Variants in TOPBP1 observed in about 807,000 individuals in gnomAD.
TOPBP1 encodes the protein DNA topoisomerase II binding protein 1.
TOPBP1 carries 28 observed loss-of-function variants against 167.7 expected under a neutral mutation model. The ratio of observed to expected loss-of-function variants is 0.17; its 90% confidence interval spans 0.12 to 0.23. The LOEUF (loss-of-function observed/expected upper bound fraction) is 0.23. TOPBP1 is among the 10% of genes least tolerant of loss of function. TOPBP1 has a pLI of 1.00. For synonymous variants in TOPBP1, 598 were observed against 611.4 expected, an observed-to-expected ratio of 0.98 and a Z score of 0.32; for missense variants, 1,554 against 1,809.6, an observed-to-expected ratio of 0.86 and a Z score of 2.56.
Position 133,644,035 on chromosome 3 carries a change from A to G in TOPBP1, c.1833T>C (p.Val611=). 6.2e-7 allele frequency: 1 copy of G among 1,600,446 alleles called. No homozygotes were observed. Among genetic ancestry groups the G allele is most frequent in the Non-Finnish European group, 8.5e-7 (1 of 1,174,218 alleles). ...GTTGTCTTACCAGCCATGTATTTGTAACAACTTCTCCCACAGTGGCTTCCA... is the reference window on the plus strand; with the variant it reads ...GTTGTCTTACCAGCCATGTATTTGTGACAACTTCTCCCACAGTGGCTTCCA... The part of the protein sequence containing the change: ...CEVEATVGEV[V]TNTWLVTCID... The change falls in exon 11 of 28, where the codon GTT becomes GTC. Residue 611 remains valine, a synonymous_variant. Coordinates refer to ENST00000260810, the MANE Select transcript of TOPBP1 (RefSeq NM_007027.4).
rs200397840 is a variant in TOPBP1, at chr3:133,649,943, T to A, written c.1090A>T (p.Ile364Leu). The A allele has an allele frequency of 1.7e-4, 263 of 1,569,634 alleles. No individual in the cohort carries two copies. The highest frequency in any genetic ancestry group is 1.0e-3 in the Middle Eastern group (6 of 5,882). Residue 364 changes from isoleucine (I) to leucine (L), a missense_variant and splice_region_variant, in exon 9 of 28, where the codon ATA (isoleucine) becomes TTA (leucine). Around this residue, in one of 3 missense-constraint regions of TOPBP1, gnomAD observed 1,197 missense variants for 1,351.5 expected, o/e 0.89. Transcript: ENST00000260810. ...CTGCCACTAAAACCGCAAAGATATATCTGCAAGAAAGAAAATATTTAATAT... is the reference window on the plus strand; with the variant it reads ...CTGCCACTAAAACCGCAAAGATATAACTGCAAGAAAGAAAATATTTAATAT... Reference protein sequence around the residue: ...APEDLLDGCRIYLCGFSGRKL... With the variant: ...APEDLLDGCRLYLCGFSGRKL...
At chr3:133,655,681 T>A (rs1487162099) in intron 5 of TOPBP1, among the ~76,000 whole-genome samples, 195 bp from the exon 6 acceptor site, 1 of 152,172 alleles carries the variant, frequency 6.6e-6, no homozygotes, top group Non-Finnish European at 1.5e-5. Flanking sequence ...AAAGTAATTG[T>A]TTCAGATACA....
chr3:133,615,502 A>T (rs368188645), intron 23 of TOPBP1, among the ~76,000 whole-genome samples: 14 of 151,938 alleles, frequency 9.2e-5, no homozygotes, highest in African/African-American at 3.4e-4. Flanking sequence ...AAACCCCACC[A>T]ATATTTCTTA....
chr3:133,612,652 G>A, intron 23 of TOPBP1, 100 bp from the exon 24 acceptor site: 1 of 1,177,550 alleles, frequency 8.5e-7, no homozygotes, highest in East Asian at 2.7e-5. Flanking sequence ...TAAATAAAAT[G>A]CCCCAAACCA....
At chr3:133,658,909 C>G (rs1325316995) in intron 3 of TOPBP1, 107 bp downstream of exon 3, 3 of 1,225,386 alleles carry the variant, frequency 2.4e-6, no homozygotes, top group Non-Finnish European at 3.3e-6. Flanking sequence ...TTCCAATGTA[C>G]TCATAAGTTG....
rs1934279763 is a variant in TOPBP1 at position 133,601,170 on chromosome 3, T to C, written c.*80A>G. ...CTTCAGGTACTCATCTTTAAATTACTACCCAAATCTATCACAGTCACATTC... is the reference window on the plus strand; with the variant it reads ...CTTCAGGTACTCATCTTTAAATTACCACCCAAATCTATCACAGTCACATTC... On this transcript the variant is annotated 3_prime_UTR_variant, in exon 28 of 28. Coordinates refer to ENST00000260810, the MANE Select transcript of TOPBP1 (RefSeq NM_007027.4). 5 of 1,284,842 alleles carry C rather than the reference T, an allele frequency of 3.9e-6. No individual in the cohort carries two copies. The Admixed American group carries it at 1.4e-4, about 35-fold the overall frequency. The allele number at this position is 1,284,842 out of a possible 1,614,324, so 79.6% of individuals were successfully genotyped here.
intron 27 of TOPBP1, among the ~76,000 whole-genome samples, chr3:133,606,640 G>A (rs1057022528): frequency 1.3e-5 from 2 of 151,820 alleles, no homozygotes; most frequent in Admixed American, 6.6e-5. Context: ...TTGCTGTACA[G>A]CTACAGTAAT....
chr3:133,643,526 CATA>C (rs1254294907), intron 11 of TOPBP1, among the ~76,000 whole-genome samples, 154 bp from the exon 12 acceptor site: 1 of 152,108 alleles, frequency 6.6e-6, no homozygotes, highest in Admixed American at 6.6e-5. Flanking sequence ...CATTTCATAT[CATA>C]ATGTTAGAGT....
intron 12 of TOPBP1, 37 bp downstream of exon 12, chr3:133,643,163 A>C (rs1410960880): frequency 6.8e-7 from 1 of 1,477,072 alleles, no homozygotes; most frequent in African/African-American, 1.4e-5. Flanking sequence ...ATAAAAAGAT[A>C]CACCAATACA....
intron 6 of TOPBP1, among the ~76,000 whole-genome samples, chr3:133,655,050 TAA>T (rs141293826): frequency 0.14 from 21,500 of 151,874 alleles, 1,849 homozygotes; most frequent in Non-Finnish European, 0.2. Flanking sequence ...CTACTAAAAA[TAA>T]AAAGTTATTC....
At chr3:133,661,193 G>T in intron 1 of TOPBP1, 59 bp from the exon 2 acceptor site, 1 of 1,295,380 alleles carries the variant, frequency 7.7e-7, no homozygotes, top group African/African-American at 1.5e-5. Flanking sequence ...AAAGTTGCAT[G>T]TTTAACCTAC....
intron 3 of TOPBP1, 80 bp downstream of exon 3, chr3:133,658,936 C>G: frequency 1.4e-6 from 2 of 1,432,144 alleles, no homozygotes; most frequent in African/African-American, 1.4e-5. Context: ...ACTTTATAAT[C>G]CGCAAAGAAT....
chr3:133,617,350 T>C, intron 21 of TOPBP1, 24 bp from the exon 22 acceptor site: 1 of 1,570,290 alleles, frequency 6.4e-7, no homozygotes, highest in Non-Finnish European at 8.6e-7. Context: ...AATGCTGCAG[T>C]GTGACAGGAT....
intron 25 of TOPBP1, among the ~76,000 whole-genome samples, chr3:133,609,567 C>G (rs575154737): frequency 6.6e-6 from 1 of 152,186 alleles, no homozygotes; most frequent in African/African-American, 2.4e-5. Context: ...GGAGGGACCT[C>G]GTGGGAGGTG....
At position 133,617,135 on chromosome 3, in the gene TOPBP1, A is replaced by T. The variant is rs1179370758; in HGVS notation, c.3759+25T>A. 4 of 1,580,958 alleles carry T rather than the reference A, an allele frequency of 2.5e-6. No homozygotes were observed. The South Asian group carries it at 4.7e-5, about 18-fold the overall frequency. ...CCTAACAGCAGTATGCAAAAGCTGT[A>T]TCACCATATTAAGGATCAACAAACC... On this transcript the variant is annotated intron_variant, in intron 22 of 27. Coordinates refer to ENST00000260810, the MANE Select transcript of TOPBP1 (RefSeq NM_007027.4).
intron 23 of TOPBP1, among the ~76,000 whole-genome samples, chr3:133,614,956 C>T (rs922265665): frequency 1.3e-5 from 2 of 150,586 alleles, no homozygotes; most frequent in African/African-American, 4.9e-5. Flanking sequence ...TGCACATGTA[C>T]CTTAGAACTT....
chr3:133,660,995 TAAAAA>T (rs1454304729), intron 2 of TOPBP1, 44 bp downstream of exon 2: 1 of 1,423,056 alleles, frequency 7.0e-7, no homozygotes, highest in South Asian at 1.4e-5. Context: ...CAAAAACACT[TAAAAA>T]CAAGAAAATG....
At chr3:133,613,151 A>G (rs1366973614) in intron 23 of TOPBP1, among the ~76,000 whole-genome samples, 1 of 152,166 alleles carries the variant, frequency 6.6e-6, no homozygotes, top group Admixed American at 6.5e-5. Context: ...GTGAGCCACC[A>G]TGCCTGGTCC....
At chr3:133,635,538 G>T (rs1222049867) in intron 14 of TOPBP1, among the ~76,000 whole-genome samples, 1 of 152,192 alleles carries the variant, frequency 6.6e-6, no homozygotes, top group Admixed American at 6.5e-5. Flanking sequence ...TTACAGGTGT[G>T]AGCCACCACG....
Sources: allele counts gnomAD v4.1 joint callset (sites outside exome capture counted in the v4.1 genomes callset), GRCh38; gene constraint gnomAD v4.1.1; regional missense constraint gnomAD v4.1.1; transcripts MANE v1.5; gene names NCBI Gene and HGNC (gene_info 2026-07-23, HGNC 2026-07-21).